MEF2A: variants seen among roughly 807,000 people sequenced by gnomAD.
MEF2A encodes myocyte enhancer factor 2A.
A neutral mutation model predicts 55.8 loss-of-function variants in MEF2A; 28 were observed. That is an observed-to-expected ratio of 0.50 (90% confidence interval 0.37 to 0.69). The LOEUF is 0.69. Ranked by LOEUF, MEF2A falls within the 30% of genes least tolerant of loss-of-function variation. MEF2A has a pLI of 0.00. For missense variants in MEF2A, 528 were observed against 626.2 expected, an observed-to-expected ratio of 0.84 and a Z score of 1.67; for synonymous variants, 239 against 227.1, an observed-to-expected ratio of 1.05 and a Z score of -0.47.
chr15:99,630,171 C>G (rs2042725646), intron 2 of MEF2A, among the ~76,000 whole-genome samples: 1 of 152,056 alleles, frequency 6.6e-6, no homozygotes, highest in Non-Finnish European at 1.5e-5. Context: ...GCTATTATGT[C>G]TTCAGATATT....
Position 99,690,428 on chromosome 15 carries a change from A to C in MEF2A, c.858A>C (p.Leu286=). 1 of 1,587,790 alleles carries C rather than the reference A, an allele frequency of 6.3e-7. No homozygotes were observed. The highest frequency in any genetic ancestry group is 8.6e-7 in the Non-Finnish European group (1 of 1,166,266). ...CAAGCAAGGGCATGATGCCTCCACTAGTAAGTTGAACCTTTCTTCAACTTC... is the reference window on the plus strand; with the variant it reads ...CAAGCAAGGGCATGATGCCTCCACTCGTAAGTTGAACCTTTCTTCAACTTC... ...PPSSKGMMPP[L]SEEEELELNT... is the part of the protein sequence containing the mutation. The change falls in exon 8 of 12, where the codon CTA becomes CTC. Residue 286 remains leucine, a splice_region_variant and synonymous_variant. Transcript: ENST00000557942.
intron 4 of MEF2A, among the ~76,000 whole-genome samples, chr15:99,663,290 T>C (rs1031224128): frequency 2.6e-5 from 4 of 152,152 alleles, no homozygotes; most frequent in African/African-American, 9.7e-5. Context: ...ATAATCCTGA[T>C]TTATTTACTC....
At chr15:99,665,794 C>T (rs62040143) in intron 4 of MEF2A, among the ~76,000 whole-genome samples, 7 of 146,168 alleles carry the variant, frequency 4.8e-5, no homozygotes, top group African/African-American at 7.6e-5. Flanking sequence ...ACAGACACTG[C>T]TCAAAAGAAG....
chr15:99,665,225 C>G (rs945615113), intron 4 of MEF2A, among the ~76,000 whole-genome samples: 7 of 152,158 alleles, frequency 4.6e-5, no homozygotes, highest in Non-Finnish European at 7.3e-5. Flanking sequence ...CACTAAGTTT[C>G]AGGCTTTCAT....
At chr15:99,582,751 T>C (rs1444084411) in intron 1 of MEF2A, among the ~76,000 whole-genome samples, 8 of 152,186 alleles carry the variant, frequency 5.3e-5, no homozygotes, top group Non-Finnish European at 1.5e-5. Context: ...GATAAGTAGT[T>C]GTCAGCCTTT....
chr15:99,572,513 T>G (rs1367910772), intron 1 of MEF2A, among the ~76,000 whole-genome samples: 2 of 132,750 alleles, frequency 1.5e-5, no homozygotes, highest in African/African-American at 4.9e-5. Flanking sequence ...TACCTGAATG[T>G]AAACTCCATA....
chr15:99,702,557 A>AGCTGGGATTATAG (rs1437732191), intron 8 of MEF2A, among the ~76,000 whole-genome samples: 3 of 150,934 alleles, frequency 2.0e-5, no homozygotes, highest in African/African-American at 4.9e-5. Flanking sequence ...TCTCCTGAGT[A>AGCTGGGATTATAG]GCTGGGATTA....
intron 4 of MEF2A, among the ~76,000 whole-genome samples, chr15:99,646,115 A>G (rs1007951423): frequency 3.3e-5 from 5 of 152,134 alleles, no homozygotes; most frequent in African/African-American, 1.2e-4. Flanking sequence ...TAATCATTTC[A>G]TTATGTCATT....
At position 99,690,581 on chromosome 15, in the gene MEF2A, G is replaced by C. The variant is rs1371194072; in HGVS notation, c.858+153G>C. ...TCAAAATTAGTATTTGAAGAGACAA[G>C]TCTATTTCAAATACACAAAAATCAG... On this transcript the variant is annotated intron_variant, in intron 8 of 11. Coordinates refer to ENST00000557942, the MANE Select transcript of MEF2A (RefSeq NM_001319206.4). 7.6e-6 allele frequency: 6 copies of C among 790,262 alleles called. No individual in the cohort carries two copies. The East Asian group carries it at 1.6e-4, about 21-fold the overall frequency. The allele number at this position is 790,262 out of a possible 1,614,324, so 49.0% of individuals were successfully genotyped here. A position where few individuals can be genotyped will look rare whatever the true frequency, so the allele number is the denominator to read the frequency against.
intron 7 of MEF2A, among the ~76,000 whole-genome samples, chr15:99,679,091 A>G (rs2052698186): frequency 6.6e-6 from 1 of 152,200 alleles, no homozygotes; most frequent in Admixed American, 6.5e-5. Context: ...TATACCAAAT[A>G]TTGACAAAGC....
At chr15:99,696,253 A>T (rs1377265563) in intron 8 of MEF2A, among the ~76,000 whole-genome samples, 1 of 152,226 alleles carries the variant, frequency 6.6e-6, no homozygotes, top group African/African-American at 2.4e-5. Flanking sequence ...ACACTCGACC[A>T]ACATGACCTA....
At chr15:99,687,659 C>T (rs1031732389) in intron 7 of MEF2A, among the ~76,000 whole-genome samples, 5 of 152,200 alleles carry the variant, frequency 3.3e-5, no homozygotes, top group Admixed American at 3.3e-4. Context: ...CCCACAAAGG[C>T]TTTCCTAATT....
rs892109382 is a variant in MEF2A at position 99,714,213 on chromosome 15, G to A, written c.*1442G>A. 9 of 152,134 alleles carry A rather than the reference G, an allele frequency of 5.9e-5. No individual in the cohort carries two copies. The highest frequency in any genetic ancestry group is 1.3e-4 in the Non-Finnish European group (9 of 68,044). The allele number at this position is 152,134 out of a possible 1,614,324, so 9.4% of individuals were successfully genotyped here. ...TTGGTGTTAAGTTCATCCTGCATAA[G>A]TATAAAATGTGTTGTAACAGATTTT... is the stretch of plus-strand genomic sequence containing the variant. On this transcript the variant is annotated 3_prime_UTR_variant, in exon 12 of 12. Transcript: ENST00000557942.
In MEF2A at chr15:99,635,046, A is replaced by T. The variant is rs529822163; in HGVS notation, c.54+1873A>T. Among the ~76,000 whole-genome samples the T allele has an allele frequency of 2.6e-5, 4 of 152,210 alleles. No homozygotes were observed. In the South Asian group the frequency reaches 6.2e-4, roughly 24 times the overall value. On this transcript the variant is annotated intron_variant, in intron 3 of 11. Transcript: ENST00000557942. ...ACTGTATCTTTGCAGAAGAAAAGAGATGTCATTTATTTGTCCAGATTCAGA... is the reference window on the plus strand; with the variant it reads ...ACTGTATCTTTGCAGAAGAAAAGAGTTGTCATTTATTTGTCCAGATTCAGA...
At position 99,675,470 on chromosome 15, in the gene MEF2A, C is replaced by A. The variant is rs751147328; in HGVS notation, c.670+12C>A. The A allele has an allele frequency of 6.2e-7, 1 of 1,611,136 alleles. No individual in the cohort carries two copies. Among genetic ancestry groups the A allele is most frequent in the Admixed American group, 1.7e-5 (1 of 60,012 alleles). The stretch of plus-strand genomic sequence containing the variant: ...AAGCAGTCCAGTGGGTGAGTGAATT[C>A]CTACTCTTCTGTTTTGTAGGTATCT... On this transcript the variant is annotated intron_variant, in intron 7 of 11. Transcript: ENST00000557942.
chr15:99,643,177 A>G (rs563023171), intron 3 of MEF2A, among the ~76,000 whole-genome samples: 37 of 152,272 alleles, frequency 2.4e-4, no homozygotes, highest in Non-Finnish European at 3.8e-4. Context: ...TACCTCTTTC[A>G]TGTCAAATTT....
At chr15:99,706,596 G>C in intron 9 of MEF2A, 133 bp from the exon 10 acceptor site, 1 of 953,742 alleles carries the variant, frequency 1.0e-6, no homozygotes, top group Non-Finnish European at 1.6e-6. Context: ...TATTTTTGAA[G>C]TTTTCACATC....
chr15:99,569,801 A>C (rs1044389677), intron 1 of MEF2A, among the ~76,000 whole-genome samples: 4 of 152,092 alleles, frequency 2.6e-5, no homozygotes, highest in African/African-American at 9.7e-5. Context: ...AAGTAACTTT[A>C]GTTAATCTGT....
chr15:99,574,068 G>GA (rs1440827002), intron 1 of MEF2A, among the ~76,000 whole-genome samples: 1 of 151,652 alleles, frequency 6.6e-6, no homozygotes, highest in Non-Finnish European at 1.5e-5. Context: ...ATTTATTTCG[G>GA]AAAAAAATCA....
Sources: allele counts gnomAD v4.1 joint callset (sites outside exome capture counted in the v4.1 genomes callset), GRCh38; gene constraint gnomAD v4.1.1; transcripts MANE v1.5; gene names NCBI Gene and HGNC (gene_info 2026-07-23, HGNC 2026-07-21).